LCK: variants seen among roughly 807,000 people sequenced by gnomAD.
LCK encodes tyrosine-protein kinase Lck.
LCK carries 14 observed loss-of-function variants against 64.6 expected under a neutral mutation model. The ratio of observed to expected loss-of-function variants is 0.22; its 90% CI spans 0.14 to 0.34. The LOEUF (loss-of-function observed/expected upper bound fraction) is 0.34. Among genes scored for constraint, LCK ranks in the 10% least tolerant of loss-of-function variants. LCK has a pLI of 1.00. For missense variants in LCK, 434 were observed against 668.1 expected, an observed-to-expected ratio of 0.65 and a Z score of 3.86; for synonymous variants, 277 against 263.6, an observed-to-expected ratio of 1.05 and a Z score of -0.49.
At chr1:32,274,080 T>C in intron 1 of LCK, 2 of 716,578 alleles carry the variant, frequency 2.8e-6, no homozygotes, top group Admixed American at 6.4e-5. Context: ...CCATCCCAGG[T>C]GGGAGGGTGG....
intron 12 of LCK, among the ~76,000 whole-genome samples, chr1:32,282,666 C>T (rs908040255): frequency 6.6e-6 from 1 of 151,710 alleles, no homozygotes; most frequent in Non-Finnish European, 1.5e-5. Context: ...ATTAGCCAGG[C>T]GTGGTGTTGG....
chr1:32,283,823 G>A (rs1640532409), intron 12 of LCK, among the ~76,000 whole-genome samples: 1 of 152,088 alleles, frequency 6.6e-6, no homozygotes, highest in Non-Finnish European at 1.5e-5. Context: ...CCTGCCCTGG[G>A]CCCTGACCAT....
intron 12 of LCK, 136 bp downstream of exon 12, chr1:32,280,346 G>C: frequency 9.2e-7 from 1 of 1,091,410 alleles, no homozygotes; most frequent in South Asian, 1.6e-5. Flanking sequence ...TGAGTCCAAC[G>C]TCCCCAGGCA....
intron 1 of LCK, among the ~76,000 whole-genome samples, chr1:32,257,440 C>T (rs904724961): frequency 3.3e-5 from 5 of 151,694 alleles, no homozygotes; most frequent in Admixed American, 1.3e-4. Context: ...TTTGTACCGA[C>T]GGGGTTTTGC....
At chr1:32,280,034 T>A in intron 11 of LCK, 40 bp downstream of exon 11, 1 of 1,613,612 alleles carries the variant, frequency 6.2e-7, no homozygotes, top group South Asian at 1.1e-5. Context: ...CCCTGCAGGG[T>A]CTGGCCAAGC....
intron 1 of LCK, among the ~76,000 whole-genome samples, chr1:32,263,926 AAAG>A (rs1438031802): frequency 1.1e-4 from 17 of 152,222 alleles, no homozygotes; most frequent in African/African-American, 1.7e-4. Context: ...AAAAAAAAAA[AAAG>A]AAGAAGACCG....
Position 32,286,157 on chromosome 1 carries a change from A to G in LCK, c.*441A>G. ...GGAGTTCAATAAATGTCTGTTGATG[A>G]CTGTTGTACATCTCTTTGCTGTCCA... On this transcript the variant is annotated 3_prime_UTR_variant, in exon 13 of 13. Transcript: ENST00000336890. 3.8e-6 allele frequency: 1 copy of G among 262,688 alleles called. No individual in the cohort carries two copies. The highest frequency in any genetic ancestry group is 7.5e-6 in the Non-Finnish European group (1 of 133,806). 16.3% of individuals were successfully genotyped at this position (262,688 alleles called of 1,614,324 possible).
At chr1:32,285,363 C>T in intron 12 of LCK, 151 bp from the exon 13 acceptor site, 2 of 710,492 alleles carry the variant, frequency 2.8e-6, no homozygotes, top group Non-Finnish European at 5.0e-6. Context: ...TGATATTCAA[C>T]AAGTACCTCT....
chr1:32,284,209 G>A (rs1165398327), intron 12 of LCK, among the ~76,000 whole-genome samples: 3 of 149,962 alleles, frequency 2.0e-5, no homozygotes, highest in Non-Finnish European at 4.4e-5. Context: ...AAGCATCTCC[G>A]ATCCAGACTT....
At chr1:32,279,601 T>C (rs1358607213) in intron 9 of LCK, 70 bp from the exon 10 acceptor site, 7 of 1,611,854 alleles carry the variant, frequency 4.3e-6, no homozygotes, top group African/African-American at 1.3e-5. Flanking sequence ...AGACTCCCAG[T>C]TGGAGGAGAA....
intron 1 of LCK, among the ~76,000 whole-genome samples, chr1:32,259,493 G>T (rs1028064410): frequency 6.6e-6 from 1 of 151,668 alleles, no homozygotes; most frequent in South Asian, 2.1e-4. Flanking sequence ...GGTGGCACAC[G>T]CCTGTAGTCC....
chr1:32,283,029 C>T (rs1249456025), intron 12 of LCK, among the ~76,000 whole-genome samples: 2 of 151,174 alleles, frequency 1.3e-5, no homozygotes, highest in South Asian at 2.1e-4. Flanking sequence ...TGGTGGGTCA[C>T]GCCTGCAACC....
At position 32,274,718 on chromosome 1, in the gene LCK, C is replaced by T; in HGVS notation, c.106-19C>T. 1 of 1,555,348 alleles carries T rather than the reference C, an allele frequency of 6.4e-7. No homozygotes were observed. Among genetic ancestry groups the T allele is most frequent in the African/African-American group, 1.4e-5 (1 of 73,844 alleles). On this transcript the variant is annotated intron_variant, in intron 2 of 12. Transcript: ENST00000336890. ...CAATCTTCTGCTTTCTGACCCCACC[C>T]TCATCCCCCACTCCACAGCTGCTCA... is the stretch of plus-strand genomic sequence containing the variant.
chr1:32,275,872 C>A lies in LCK; in HGVS notation c.482-42C>A. The A allele has an allele frequency of 6.2e-7, 1 of 1,610,314 alleles. No individual in the cohort carries two copies. The highest frequency in any genetic ancestry group is 2.2e-5 in the East Asian group (1 of 44,828). ...GGGGCGCGGTGGCGGGCCAGACTCA[C>A]TGCGTTCTTTCGTCGCTTTGTCCAT... On this transcript the variant is annotated intron_variant, in intron 6 of 12. Transcript: ENST00000336890. The surrounding 1 kb of genome is among the most constrained non-coding windows in gnomAD (Gnocchi z 6.9).
At position 32,275,802 on chromosome 1, in the gene LCK, G is replaced by A. The variant is rs1372264153; in HGVS notation, c.482-112G>A. On this transcript the variant is annotated intron_variant, in intron 6 of 12. Transcript: ENST00000336890. The surrounding 1 kb of genome is among the most constrained non-coding windows in gnomAD (Gnocchi z 6.9). ...GACGCGGGATGAGCCCGAGGTGGGG[G>A]CGCGGGATGACCCGGAGTTGGGGGT... is the stretch of plus-strand genomic sequence containing the variant. The A allele has an allele frequency of 3.5e-6, 5 of 1,437,300 alleles. No individual in the cohort carries two copies. The highest frequency in any genetic ancestry group is 1.3e-5 in the South Asian group (1 of 78,036). 89.0% of individuals were successfully genotyped at this position (1,437,300 alleles called of 1,614,324 possible).
chr1:32,259,628 A>AT (rs1405664212), intron 1 of LCK, among the ~76,000 whole-genome samples: 2 of 150,104 alleles, frequency 1.3e-5, no homozygotes, highest in South Asian at 2.1e-4. Context: ...TAAAAAAATA[A>AT]AAATAATAAT....
intron 12 of LCK, 98 bp from the exon 13 acceptor site, chr1:32,285,416 T>G (rs1198277759): frequency 9.5e-7 from 1 of 1,050,724 alleles, no homozygotes; most frequent in Non-Finnish European, 1.5e-6. Flanking sequence ...TCTTTTGGAT[T>G]GGTGCTCACA....
chr1:32,265,015 T>C (rs1386676694), intron 1 of LCK, among the ~76,000 whole-genome samples: 1 of 152,046 alleles, frequency 6.6e-6, no homozygotes, highest in Non-Finnish European at 1.5e-5. Context: ...AAGACCAGCT[T>C]GGGCAACATG....
At chr1:32,260,155 G>T (rs991598093) in intron 1 of LCK, among the ~76,000 whole-genome samples, 1 of 151,978 alleles carries the variant, frequency 6.6e-6, no homozygotes, top group Non-Finnish European at 1.5e-5. Flanking sequence ...GGGACTACAG[G>T]TGTGCACCAC....
Sources: gnomAD v4.1 joint callset for allele counts (sites outside exome capture counted in the v4.1 genomes callset) on GRCh38, gnomAD v4.1.1 for gene constraint, Gnocchi (gnomAD v3.1) non-coding constraint, MANE v1.5 for transcripts, NCBI Gene and HGNC (gene_info 2026-07-23, HGNC 2026-07-21) for gene names.